GART: variants seen among roughly 807,000 people sequenced by gnomAD.
GART encodes the protein phosphoribosylglycinamide formyltransferase, phosphoribosylglycinamide synthetase, phosphoribosylaminoimidazole synthetase.
In GART, 43 loss-of-function variants were observed where a neutral mutation model predicts 107.2. The observed-to-expected ratio is 0.40, with a 90% CI of 0.31 to 0.52. GART has a LOEUF of 0.52. Ranked by LOEUF, GART falls within the 20% of genes least tolerant of loss-of-function variation. The pLI is 0.52. For missense variants in GART, 1,107 were observed against 1,206.5 expected (o/e 0.92, Z 1.22); for synonymous variants, 434 against 427.0 (o/e 1.02, Z -0.20).
chr21:33,511,376 T>C lies in GART; in HGVS notation c.2190A>G (p.Thr730=), dbSNP rs1378677171. The stretch of plus-strand genomic sequence containing the variant: ...GGACAGCGCCAACCCCACAGTTAAA[T>C]GTTCTGGCCATCTCTTCCTCAGAGA... The part of the protein sequence containing the change: ...GHLSEEEMAR[T]FNCGVGAVLV... Residue 730 remains threonine (T), a synonymous_variant, in exon 17 of 22, where the codon ACA becomes ACG. Transcript: ENST00000381815. 6.2e-7 allele frequency: 1 copy of C among 1,614,050 alleles called. No individual in the cohort carries two copies. The highest frequency in any genetic ancestry group is 1.3e-5 in the African/African-American group (1 of 74,926).
At chr21:33,506,954 C>T (rs565464051) in intron 18 of GART, among the ~76,000 whole-genome samples, 10 of 151,952 alleles carry the variant, frequency 6.6e-5, no homozygotes, top group Non-Finnish European at 1.5e-4. Context: ...CCGTCACACA[C>T]TATTGGGAAG....
intron 17 of GART, among the ~76,000 whole-genome samples, chr21:33,510,675 T>C: frequency 6.6e-6 from 1 of 152,210 alleles, no homozygotes. Context: ...ATGTTATCTT[T>C]CCGGCATTTG....
intron 7 of GART, among the ~76,000 whole-genome samples, chr21:33,530,158 C>A (rs555418917): frequency 6.6e-6 from 1 of 152,318 alleles, no homozygotes; most frequent in Admixed American, 6.5e-5. Context: ...TGCCACTGCA[C>A]CCCAGCCTGG....
At chr21:33,521,330 T>A (rs866211200) in intron 12 of GART, among the ~76,000 whole-genome samples, 1 of 151,986 alleles carries the variant, frequency 6.6e-6, no homozygotes, top group Non-Finnish European at 1.5e-5. Context: ...GCTCAAAGAA[T>A]TGATTAAGAA....
At chr21:33,541,569 G>A (rs1367559061) in intron 1 of GART, among the ~76,000 whole-genome samples, 1 of 152,224 alleles carries the variant, frequency 6.6e-6, no homozygotes, top group Non-Finnish European at 1.5e-5. Flanking sequence ...GGACGCCTGG[G>A]CTCCTGAGTC....
intron 16 of GART, among the ~76,000 whole-genome samples, chr21:33,512,297 A>G (rs1024309132): frequency 6.6e-6 from 1 of 150,816 alleles, no homozygotes; most frequent in Non-Finnish European, 1.5e-5. Flanking sequence ...TTGAAAAAAA[A>G]AAAAAAAAAA....
At chr21:33,528,081 G>C in intron 10 of GART, 86 bp downstream of exon 10, 1 of 1,287,200 alleles carries the variant, frequency 7.8e-7, no homozygotes, top group Non-Finnish European at 1.1e-6. Flanking sequence ...CTCTTATCGA[G>C]AGCAAGCCTT....
At chr21:33,535,871 T>C (rs2085295430) in intron 2 of GART, among the ~76,000 whole-genome samples, 1 of 151,872 alleles carries the variant, frequency 6.6e-6, no homozygotes, top group African/African-American at 2.4e-5. Context: ...CTACTAAAAA[T>C]ACAAAAAGTA....
At chr21:33,541,049 G>A (rs1324035670) in intron 1 of GART, among the ~76,000 whole-genome samples, 1 of 152,014 alleles carries the variant, frequency 6.6e-6, no homozygotes, top group African/African-American at 2.4e-5. Flanking sequence ...AAAAAACCCT[G>A]TTAAATTACA....
intron 4 of GART, among the ~76,000 whole-genome samples, chr21:33,532,686 T>A (rs538309821): frequency 1.3e-5 from 2 of 152,366 alleles, no homozygotes; most frequent in East Asian, 3.9e-4. Context: ...TTTTCATTTA[T>A]CATGAGATTA....
chr21:33,528,442 T>C, intron 9 of GART, 77 bp downstream of exon 9: 1 of 1,543,182 alleles, frequency 6.5e-7, no homozygotes, highest in South Asian at 1.1e-5. Flanking sequence ...CAAAGGTAAT[T>C]ACTTCCAGGC....
intron 4 of GART, among the ~76,000 whole-genome samples, chr21:33,534,172 A>G (rs1038744546): frequency 1.3e-5 from 2 of 152,168 alleles, no homozygotes; most frequent in Admixed American, 1.3e-4. Context: ...GAGACAGCCT[A>G]AAGACCTAGC....
intron 10 of GART, among the ~76,000 whole-genome samples, chr21:33,526,884 G>A (rs540828030): frequency 1.3e-5 from 2 of 151,766 alleles, no homozygotes; most frequent in South Asian, 2.1e-4. Flanking sequence ...TTCTTTTTCC[G>A]TCTCTATTTC....
chr21:33,539,520 C>T (rs527696993), intron 1 of GART, among the ~76,000 whole-genome samples, 164 bp from the exon 2 acceptor site: 9 of 152,116 alleles, frequency 5.9e-5, no homozygotes, highest in Non-Finnish European at 1.0e-4. Flanking sequence ...ATGGCAAAAC[C>T]TCATCTCTAC....
Position 33,540,528 on chromosome 21 carries a change from G to A in GART, c.-41-1172C>T, listed in dbSNP as rs114182569. Among the ~76,000 whole-genome samples, 617 of 152,270 alleles carry A rather than the reference G, an allele frequency of 4.1e-3. 8 individuals are homozygous for A. The highest frequency in any genetic ancestry group is 0.014 in the African/African-American group (563 of 41,536). On this transcript the variant is annotated intron_variant, in intron 1 of 21. Coordinates refer to ENST00000381815, the MANE Select transcript of GART (RefSeq NM_000819.5). ...ATATGCTAGAATATTGGTAGAGAAG[G>A]CAAAAATCAAATTCCAACTCATTTC...
intron 16 of GART, 138 bp from the exon 17 acceptor site, chr21:33,511,596 G>C (rs1168227562): frequency 2.3e-6 from 2 of 860,752 alleles, no homozygotes; most frequent in Non-Finnish European, 3.6e-6. Flanking sequence ...ATTGGCCTCT[G>C]AGAACTTTTT....
intron 11 of GART, chr21:33,524,043 A>G (rs913141567): frequency 4.1e-6 from 4 of 985,290 alleles, no homozygotes; most frequent in Non-Finnish European, 4.8e-6. Flanking sequence ...TTACAAGTCA[A>G]CAGTTTGTAC....
intron 3 of GART, 51 bp from the exon 4 acceptor site, chr21:33,534,804 T>G (rs1242177104): frequency 1.3e-6 from 2 of 1,482,290 alleles, no homozygotes; most frequent in South Asian, 2.8e-5. Flanking sequence ...CCCAGGGGCT[T>G]TTCAGCCTGA....
At chr21:33,536,401 T>C (rs962235049) in intron 2 of GART, among the ~76,000 whole-genome samples, 1 of 152,174 alleles carries the variant, frequency 6.6e-6, no homozygotes, top group East Asian at 1.9e-4. Flanking sequence ...CCACCATTCG[T>C]TAAGTCAGCT....
Sources: allele counts gnomAD v4.1 joint callset (sites outside exome capture counted in the v4.1 genomes callset), GRCh38; gene constraint gnomAD v4.1.1; transcripts MANE v1.5; gene names NCBI Gene and HGNC (gene_info 2026-07-23, HGNC 2026-07-21).